Variants in GABRG3 observed in about 807,000 individuals in gnomAD.
GABRG3 encodes gamma-aminobutyric acid receptor subunit gamma-3.
In GABRG3, 25 loss-of-function variants were observed where a neutral mutation model predicts 48.8. The ratio of observed to expected loss-of-function variants is 0.51; its 90% CI spans 0.37 to 0.72. The LOEUF (loss-of-function observed/expected upper bound fraction) is 0.72, where lower values mean the gene tolerates loss of function less well. Among genes scored for constraint, GABRG3 ranks in the 30% least tolerant of loss-of-function variants. The probability of loss-of-function intolerance (pLI) is 0.00; values close to 1 mark genes in which losing one functional copy is unlikely to be tolerated. For synonymous variants in GABRG3, 227 were observed against 217.6 expected (o/e 1.04, Z -0.38); for missense variants, 394 against 577.9 (o/e 0.68, Z 3.26).
chr15:27,165,380 G>A (rs1378838519), intron 3 of GABRG3, among the ~76,000 whole-genome samples: 1 of 152,116 alleles, frequency 6.6e-6, no homozygotes, highest in Non-Finnish European at 1.5e-5. Context: ...TCTGTGTCAG[G>A]GCATCTTTGA....
At chr15:27,356,189 A>G (rs939188213) in intron 5 of GABRG3, among the ~76,000 whole-genome samples, 70 of 152,176 alleles carry the variant, frequency 4.6e-4, no homozygotes, top group African/African-American at 1.5e-3. Context: ...AACAAATTAC[A>G]CTTCACCTTT....
intron 3 of GABRG3, among the ~76,000 whole-genome samples, chr15:27,114,194 A>C (rs1897603226): frequency 6.6e-6 from 1 of 152,238 alleles, no homozygotes; most frequent in African/African-American, 2.4e-5. Flanking sequence ...TAGAATGACT[A>C]ATTATTCAAA....
At chr15:27,209,459 G>A (rs369004770) in intron 3 of GABRG3, among the ~76,000 whole-genome samples, 4 of 151,000 alleles carry the variant, frequency 2.6e-5, no homozygotes, top group Non-Finnish European at 4.4e-5. Context: ...GCGCTATCCC[G>A]GCCCGGCCGG....
intron 6 of GABRG3, among the ~76,000 whole-genome samples, chr15:27,483,630 C>A (rs1252377686): frequency 6.6e-6 from 1 of 152,160 alleles, no homozygotes; most frequent in Non-Finnish European, 1.5e-5. Flanking sequence ...ACTTGGACTT[C>A]CTTGCAGGTG....
chr15:27,074,320 G>C (rs184060106), intron 3 of GABRG3, among the ~76,000 whole-genome samples: 369 of 147,984 alleles, frequency 2.5e-3, no homozygotes, highest in Admixed American at 4.2e-3. Flanking sequence ...TTCTGACAAG[G>C]CTGTGTTTCG....
intron 5 of GABRG3, among the ~76,000 whole-genome samples, chr15:27,427,514 C>G (rs1258214224): frequency 2.0e-5 from 3 of 152,186 alleles, no homozygotes; most frequent in African/African-American, 7.2e-5. Context: ...ATATAAACAG[C>G]TTCATGTAGG....
At chr15:27,084,553 A>C (rs1046115369) in intron 3 of GABRG3, among the ~76,000 whole-genome samples, 14 of 152,338 alleles carry the variant, frequency 9.2e-5, no homozygotes, top group African/African-American at 3.4e-4. Context: ...GAACCTGGGC[A>C]CTTCAGGCTA....
At chr15:27,416,284 T>A (rs1887938082) in intron 5 of GABRG3, among the ~76,000 whole-genome samples, 1 of 152,108 alleles carries the variant, frequency 6.6e-6, no homozygotes, top group South Asian at 2.1e-4. Flanking sequence ...TGTGATTGGG[T>A]CTCAGGCTTT....
chr15:27,213,514 C>T (rs1889138891), intron 3 of GABRG3, among the ~76,000 whole-genome samples: 1 of 152,178 alleles, frequency 6.6e-6, no homozygotes, highest in Admixed American at 6.5e-5. Flanking sequence ...TTCATTGTTA[C>T]ATTAACTCAG....
chr15:27,207,045 A>G (rs1888877616), intron 3 of GABRG3, among the ~76,000 whole-genome samples: 1 of 152,134 alleles, frequency 6.6e-6, no homozygotes, highest in Non-Finnish European at 1.5e-5. Flanking sequence ...TAGTCCATTT[A>G]TGTTTAAGAT....
chr15:27,298,947 A>G (rs1892098478), intron 3 of GABRG3, among the ~76,000 whole-genome samples: 1 of 152,132 alleles, frequency 6.6e-6, no homozygotes, highest in African/African-American at 2.4e-5. Context: ...GGTTAAATGA[A>G]CAACAACAAC....
At chr15:27,507,896 T>C (rs1890799664) in intron 6 of GABRG3, among the ~76,000 whole-genome samples, 1 of 152,224 alleles carries the variant, frequency 6.6e-6, no homozygotes, top group Non-Finnish European at 1.5e-5. Context: ...TCCATCCTTT[T>C]ATCATTATGT....
chr15:27,049,150 G>T (rs1016678106), intron 3 of GABRG3, among the ~76,000 whole-genome samples: 9 of 152,238 alleles, frequency 5.9e-5, no homozygotes, highest in African/African-American at 2.2e-4. Flanking sequence ...TGGGTTTAAT[G>T]CTCTGGTGTC....
intron 3 of GABRG3, among the ~76,000 whole-genome samples, chr15:27,165,773 C>T (rs1887349737): frequency 6.6e-6 from 1 of 152,108 alleles, no homozygotes; most frequent in Non-Finnish European, 1.5e-5. Flanking sequence ...ATCAGGCCAG[C>T]AGAGGATGCT....
chr15:26,982,569 T>C (rs1271572791), intron 2 of GABRG3, among the ~76,000 whole-genome samples: 6 of 152,328 alleles, frequency 3.9e-5, no homozygotes, highest in African/African-American at 1.4e-4. Context: ...TATATTAAGG[T>C]GCTGCCATGT....
At chr15:27,387,979 A>T (rs531258557) in intron 5 of GABRG3, among the ~76,000 whole-genome samples, 2 of 70,560 alleles carry the variant, frequency 2.8e-5, no homozygotes, top group African/African-American at 5.0e-5. Context: ...GAAGGAAAGG[A>T]AGGAGGGAGG....
At chr15:27,093,995 T>C (rs560902263) in intron 3 of GABRG3, among the ~76,000 whole-genome samples, 1 of 152,200 alleles carries the variant, frequency 6.6e-6, no homozygotes, top group Non-Finnish European at 1.5e-5. Context: ...TTAGTCCTCC[T>C]GCCATTGTTC....
Position 27,227,627 on chromosome 15 carries a change from C to T in GABRG3, c.271-99182C>T, listed in dbSNP as rs546592064. Among the ~76,000 whole-genome samples, 7 of 152,044 alleles carry T rather than the reference C, an allele frequency of 4.6e-5. No individual in the cohort carries two copies. The South Asian group carries it at 1.5e-3, about 32-fold the overall frequency. ...GCTTGAGCCCAGAAGTTCAAGACTC[C>T]AGTGAGCTGTGATTGCACCTGCAAT... On this transcript the variant is annotated intron_variant, in intron 3 of 9. Transcript: ENST00000615808.
chr15:27,149,147 C>T (rs1040526361), intron 3 of GABRG3, among the ~76,000 whole-genome samples: 1 of 151,980 alleles, frequency 6.6e-6, no homozygotes, highest in African/African-American at 2.4e-5. Context: ...ATGAGTTCAA[C>T]AAGTTGTAGG....
Sources: allele counts gnomAD v4.1 joint callset (sites outside exome capture counted in the v4.1 genomes callset), GRCh38; gene constraint gnomAD v4.1.1; transcripts MANE v1.5; gene names NCBI Gene and HGNC (gene_info 2026-07-23, HGNC 2026-07-21).